GPR149: variants seen among roughly 807,000 people sequenced by gnomAD.
GPR149 encodes probable G protein-coupled receptor 149.
In GPR149, 50 loss-of-function variants were observed where a neutral mutation model predicts 50.2. That is an observed-to-expected ratio of 1.00 (90% CI 0.79 to 1.26). The LOEUF (loss-of-function observed/expected upper bound fraction) is 1.26, where lower values mean the gene tolerates loss of function less well. Among genes scored for constraint, GPR149 ranks in the 50% most tolerant of loss-of-function variants. GPR149 has a pLI of 0.00. For synonymous variants in GPR149, 405 were observed against 358.2 expected, an observed-to-expected ratio of 1.13 and a Z score of -1.48; for missense variants, 983 against 895.4, an observed-to-expected ratio of 1.10 and a Z score of -1.25.
intron 3 of GPR149, among the ~76,000 whole-genome samples, chr3:154,343,436 G>A (rs1303818639): frequency 6.6e-6 from 1 of 152,142 alleles, no homozygotes; most frequent in Non-Finnish European, 1.5e-5. Context: ...AATATTACTA[G>A]AAAGGCATCC....
chr3:154,400,215 T>G (rs1360601887), intron 3 of GPR149, among the ~76,000 whole-genome samples: 1 of 152,036 alleles, frequency 6.6e-6, no homozygotes, highest in African/African-American at 2.4e-5. Context: ...CTCAATCTCC[T>G]GACCTCGTGA....
At chr3:154,392,376 A>AAACG in intron 3 of GPR149, among the ~76,000 whole-genome samples, 2 of 151,490 alleles carry the variant, frequency 1.3e-5, no homozygotes, top group South Asian at 4.2e-4. Flanking sequence ...ACAAACAAAC[A>AAACG]AACAAAAAAA....
intron 3 of GPR149, among the ~76,000 whole-genome samples, chr3:154,370,318 C>T (rs1172200797): frequency 6.6e-6 from 1 of 151,994 alleles, no homozygotes; most frequent in Non-Finnish European, 1.5e-5. Context: ...AGGAACAGGC[C>T]AAAAGGGACA....
chr3:154,414,088 T>C (rs1320686002), intron 3 of GPR149, among the ~76,000 whole-genome samples: 2 of 151,930 alleles, frequency 1.3e-5, no homozygotes, highest in East Asian at 1.9e-4. Flanking sequence ...TACGTTCTCA[T>C]TCATATGTGT....
intron 3 of GPR149, among the ~76,000 whole-genome samples, chr3:154,357,289 A>G (rs976782094): frequency 7.9e-5 from 12 of 152,144 alleles, no homozygotes; most frequent in Non-Finnish European, 1.2e-4. Flanking sequence ...CTTCATGTCT[A>G]AAACACCAAA....
intron 3 of GPR149, chr3:154,353,236 T>C: frequency 1.3e-6 from 2 of 1,506,862 alleles, no homozygotes; most frequent in Non-Finnish European, 1.8e-6. Flanking sequence ...TGACACTGAA[T>C]GGCCAAGTGT....
rs550606814 is a variant in GPR149 at position 154,404,217 on chromosome 3, A to T, written c.1623+16822T>A. Among the ~76,000 whole-genome samples, 10 of 152,246 alleles carry T rather than the reference A, an allele frequency of 6.6e-5. No individual in the cohort carries two copies. The South Asian group carries it at 1.5e-3, about 22-fold the overall frequency. ...TGAAATTTTCAGAATATTTAATTGG[A>T]GCTATTTGTGTGGGTGTGTGGTGGT... On this transcript the variant is annotated intron_variant, in intron 3 of 3. Coordinates refer to ENST00000389740, the MANE Select transcript of GPR149 (RefSeq NM_001038705.3).
In GPR149 at chr3:154,348,907, G is replaced by A. The variant is rs116210053; in HGVS notation, c.1624-10636C>T. ...TAAGACAAACCCTAGGGAATTTAAA[G>A]GAAACACAATTAAACAGTATGTTCT... On this transcript the variant is annotated intron_variant, in intron 3 of 3. Coordinates refer to ENST00000389740, the MANE Select transcript of GPR149 (RefSeq NM_001038705.3). 7.1e-3 allele frequency among the ~76,000 whole-genome samples: 1,081 copies of A among 152,068 alleles called. 12 individuals are homozygous for A. Among genetic ancestry groups the A allele is most frequent in the African/African-American group, 0.025 (1,044 of 41,476 alleles).
At chr3:154,356,303 T>A (rs921866794) in intron 3 of GPR149, among the ~76,000 whole-genome samples, 3 of 152,172 alleles carry the variant, frequency 2.0e-5, no homozygotes, top group Non-Finnish European at 4.4e-5. Context: ...TGTGAGTCAC[T>A]GAATTTGAAT....
chr3:154,400,950 A>G (rs1465477080), intron 3 of GPR149, among the ~76,000 whole-genome samples: 2 of 152,342 alleles, frequency 1.3e-5, no homozygotes, highest in Middle Eastern at 6.8e-3. Flanking sequence ...ATGGACACAC[A>G]CTAGACTTTT....
intron 3 of GPR149, among the ~76,000 whole-genome samples, chr3:154,389,866 A>G (rs995487209): frequency 6.6e-6 from 1 of 152,214 alleles, no homozygotes; most frequent in East Asian, 1.9e-4. Flanking sequence ...CCCTTGCTCA[A>G]TGCAAAGTGT....
intron 3 of GPR149, among the ~76,000 whole-genome samples, chr3:154,341,552 G>C (rs1326101937): frequency 6.6e-6 from 1 of 151,370 alleles, no homozygotes; most frequent in Non-Finnish European, 1.5e-5. Context: ...AAGTATGTGA[G>C]ACCTTATGAA....
chr3:154,344,551 T>A (rs938349180), intron 3 of GPR149, among the ~76,000 whole-genome samples: 2 of 152,158 alleles, frequency 1.3e-5, no homozygotes, highest in African/African-American at 2.4e-5. Flanking sequence ...TTTTTGCAGG[T>A]GTAAGCAAGT....
At chr3:154,347,465 C>T (rs1013761020) in intron 3 of GPR149, among the ~76,000 whole-genome samples, 2 of 152,150 alleles carry the variant, frequency 1.3e-5, no homozygotes, top group African/African-American at 4.8e-5. Flanking sequence ...GGGTAACTGC[C>T]CCCATGATTC....
chr3:154,344,732 C>G (rs368404687), intron 3 of GPR149, among the ~76,000 whole-genome samples: 1 of 152,070 alleles, frequency 6.6e-6, no homozygotes, highest in East Asian at 1.9e-4. Context: ...TTGCTGGGAG[C>G]CACCAGAAGC....
chr3:154,352,907 A>G lies in GPR149; in HGVS notation c.1624-14636T>C, dbSNP rs1714117386. Reference sequence around the variant, plus strand: ...CCTGTCCAGCTCTACCTGTGCATCCAGAGCGATGGATACGGGCCTCAACAT... The same window carrying G: ...CCTGTCCAGCTCTACCTGTGCATCCGGAGCGATGGATACGGGCCTCAACAT... On this transcript the variant is annotated intron_variant, in intron 3 of 3. Transcript: ENST00000389740. 9 of 876,870 alleles carry G rather than the reference A, an allele frequency of 1.0e-5. No homozygotes were observed. The South Asian group carries it at 1.0e-4, about 10-fold the overall frequency. The allele number at this position is 876,870 out of a possible 1,614,324, so 54.3% of individuals were successfully genotyped here. A position where few individuals can be genotyped will look rare whatever the true frequency, so the allele number is the denominator to read the frequency against.
At chr3:154,416,948 T>C (rs1712010473) in intron 3 of GPR149, among the ~76,000 whole-genome samples, 1 of 151,656 alleles carries the variant, frequency 6.6e-6, no homozygotes, top group Non-Finnish European at 1.5e-5. Context: ...AATGAGTGAG[T>C]TTCTGGAACT....
chr3:154,397,482 A>G (rs1715321385), intron 3 of GPR149, among the ~76,000 whole-genome samples: 1 of 152,202 alleles, frequency 6.6e-6, no homozygotes, highest in South Asian at 2.1e-4. Context: ...TAAATTATAT[A>G]AACTTAAACT....
intron 3 of GPR149, among the ~76,000 whole-genome samples, chr3:154,348,046 G>A (rs1198483769): frequency 6.6e-6 from 1 of 152,156 alleles, no homozygotes; most frequent in Non-Finnish European, 1.5e-5. Flanking sequence ...AAGATTAAAT[G>A]AGTTAATGCG....
Sources: allele counts gnomAD v4.1 joint callset (sites outside exome capture counted in the v4.1 genomes callset), GRCh38; gene constraint gnomAD v4.1.1; transcripts MANE v1.5; gene names NCBI Gene and HGNC (gene_info 2026-07-23, HGNC 2026-07-21).